The following NUBPL variants were observed in gnomAD, a reference collection of about 807,000 sequenced individuals.
The protein encoded by NUBPL is NUBP iron-sulfur cluster assembly factor, mitochondrial.
In NUBPL, 31 loss-of-function variants were observed where a neutral mutation model predicts 45.7. That is an observed-to-expected ratio of 0.68 (90% confidence interval 0.51 to 0.92). NUBPL has a LOEUF of 0.92. NUBPL is among the 40% of genes least tolerant of loss of function. The pLI is 0.00. For missense variants in NUBPL, 401 were observed against 398.7 expected (o/e 1.01, Z -0.05); for synonymous variants, 144 against 140.9 (o/e 1.02, Z -0.15).
intron 4 of NUBPL, among the ~76,000 whole-genome samples, chr14:31,671,271 C>T (rs778219040): frequency 1.4e-4 from 22 of 152,134 alleles, no homozygotes; most frequent in Admixed American, 7.9e-4. Context: ...TTTATACGTT[C>T]ATCTAATGTT....
At chr14:31,583,189 C>A (rs558012543) in intron 3 of NUBPL, among the ~76,000 whole-genome samples, 3 of 152,094 alleles carry the variant, frequency 2.0e-5, no homozygotes, top group Non-Finnish European at 4.4e-5. Flanking sequence ...ATAACATAGG[C>A]AGTAGTAAAT....
At chr14:31,741,015 T>C (rs2038271840) in intron 6 of NUBPL, among the ~76,000 whole-genome samples, 1 of 152,252 alleles carries the variant, frequency 6.6e-6, no homozygotes, top group Non-Finnish European at 1.5e-5. Context: ...TTTTGCACAC[T>C]GTTTACTTTG....
Position 31,859,350 on chromosome 14 carries a change from T to C in NUBPL, c.*170T>C. On this transcript the variant is annotated 3_prime_UTR_variant, in exon 11 of 11. Coordinates refer to ENST00000281081, the MANE Select transcript of NUBPL (RefSeq NM_025152.3). Reference sequence around the variant, plus strand: ...TAAGCTAAGGTTCACAAAACTTTGATGTATCAATGTTAACTGCTATATTTA... The same window carrying C: ...TAAGCTAAGGTTCACAAAACTTTGACGTATCAATGTTAACTGCTATATTTA... 1.5e-6 allele frequency: 1 copy of C among 669,206 alleles called. No homozygotes were observed. Among genetic ancestry groups the C allele is most frequent in the Non-Finnish European group, 2.7e-6 (1 of 372,748 alleles). The allele number at this position is 669,206 out of a possible 1,614,324, so 41.5% of individuals were successfully genotyped here. A position where few individuals can be genotyped will look rare whatever the true frequency, so the allele number is the denominator to read the frequency against.
intron 6 of NUBPL, among the ~76,000 whole-genome samples, 194 bp downstream of exon 6, chr14:31,673,768 A>G (rs1184920953): frequency 2.0e-5 from 3 of 152,108 alleles, no homozygotes; most frequent in East Asian, 1.9e-4. Context: ...AATCTTTCCC[A>G]TTGCTTGTGA....
In NUBPL at chr14:31,692,113, T is replaced by C. The variant is rs140490268; in HGVS notation, c.513+18539T>C. ...TAGGATGTTATTTTGAGTATTAGATTTATCAGTATGTGTTGCTTTTTATTC... is the reference window on the plus strand; with the variant it reads ...TAGGATGTTATTTTGAGTATTAGATCTATCAGTATGTGTTGCTTTTTATTC... On this transcript the variant is annotated intron_variant, in intron 6 of 10. Coordinates refer to ENST00000281081, the MANE Select transcript of NUBPL (RefSeq NM_025152.3). 2.5e-3 allele frequency among the ~76,000 whole-genome samples: 378 copies of C among 152,322 alleles called. 3 individuals are homozygous for C. The highest frequency in any genetic ancestry group is 8.5e-3 in the African/African-American group (355 of 41,572).
chr14:31,592,559 G>C (rs1566433198), intron 3 of NUBPL, among the ~76,000 whole-genome samples: 1 of 151,876 alleles, frequency 6.6e-6, no homozygotes, highest in Non-Finnish European at 1.5e-5. Context: ...CATATGTCCC[G>C]TGCAATATTT....
At chr14:31,763,791 G>A (rs1250521641) in intron 6 of NUBPL, among the ~76,000 whole-genome samples, 1 of 152,082 alleles carries the variant, frequency 6.6e-6, no homozygotes, top group Admixed American at 6.6e-5. Flanking sequence ...TTGCAAAAGT[G>A]TGCATTCGTC....
At chr14:31,637,026 C>G (rs955905109) in intron 4 of NUBPL, among the ~76,000 whole-genome samples, 2 of 151,934 alleles carry the variant, frequency 1.3e-5, no homozygotes, top group African/African-American at 4.8e-5. Flanking sequence ...TTTTGTTGAT[C>G]CTTTCAGAAA....
At chr14:31,671,430 T>C (rs1456927445) in intron 4 of NUBPL, among the ~76,000 whole-genome samples, 1 of 152,188 alleles carries the variant, frequency 6.6e-6, no homozygotes, top group African/African-American at 2.4e-5. Context: ...TGCATTATAA[T>C]TAAATTGGGT....
chr14:31,574,582 C>CT (rs71115022), intron 3 of NUBPL, among the ~76,000 whole-genome samples: 1,458 of 66,882 alleles, frequency 0.022, 5 homozygotes, highest in African/African-American at 0.026. Context: ...TTCTTTCCTT[C>CT]TTTTTTTTTT....
intron 6 of NUBPL, chr14:31,771,829 G>C (rs74944870): frequency 1.0e-6 from 1 of 983,884 alleles, no homozygotes; most frequent in Non-Finnish European, 1.2e-6. Context: ...ATTTCCACCC[G>C]AGGGACCCTA....
chr14:31,705,613 T>G (rs1023008886), intron 6 of NUBPL, among the ~76,000 whole-genome samples: 1 of 152,184 alleles, frequency 6.6e-6, no homozygotes, highest in Admixed American at 6.5e-5. Context: ...CACAGAGTGC[T>G]GATTGGTGCG....
intron 6 of NUBPL, among the ~76,000 whole-genome samples, chr14:31,775,285 G>A (rs2039079206): frequency 6.6e-6 from 1 of 152,134 alleles, no homozygotes; most frequent in Non-Finnish European, 1.5e-5. Context: ...AGGCATAGTG[G>A]CACATGTCTG....
chr14:31,789,348 T>C (rs1282895896), intron 7 of NUBPL, among the ~76,000 whole-genome samples: 1 of 151,602 alleles, frequency 6.6e-6, no homozygotes, highest in Non-Finnish European at 1.5e-5. Context: ...AATAAATAAA[T>C]AAAAATAAAT....
intron 4 of NUBPL, among the ~76,000 whole-genome samples, chr14:31,618,253 G>A (rs921286818): frequency 1.3e-5 from 2 of 152,034 alleles, no homozygotes; most frequent in Non-Finnish European, 2.9e-5. Context: ...TTTTTGAAGG[G>A]TGTTTTGTGT....
intron 4 of NUBPL, among the ~76,000 whole-genome samples, chr14:31,659,016 A>AGTTATGGAGAGCT (rs1283386156): frequency 3.3e-5 from 5 of 152,194 alleles, no homozygotes; most frequent in Admixed American, 3.3e-4. Flanking sequence ...AAGAGGGAAT[A>AGTTATGGAGAGCT]GTTATGGAGA....
At chr14:31,759,426 A>G (rs1407796499) in intron 6 of NUBPL, among the ~76,000 whole-genome samples, 1 of 151,978 alleles carries the variant, frequency 6.6e-6, no homozygotes, top group Non-Finnish European at 1.5e-5. Flanking sequence ...ATTAATTTTG[A>G]AATTATTTTT....
intron 7 of NUBPL, among the ~76,000 whole-genome samples, chr14:31,815,348 G>A (rs539199186): frequency 2.0e-5 from 3 of 152,150 alleles, no homozygotes; most frequent in African/African-American, 7.2e-5. Context: ...TCTGTTATTG[G>A]TATATAGGCA....
At chr14:31,647,509 G>A (rs2035887885) in intron 4 of NUBPL, among the ~76,000 whole-genome samples, 1 of 152,200 alleles carries the variant, frequency 6.6e-6, no homozygotes, top group African/African-American at 2.4e-5. Flanking sequence ...GTCTCAAATG[G>A]AATATTCTGG....
Sources: allele counts gnomAD v4.1 joint callset (sites outside exome capture counted in the v4.1 genomes callset), GRCh38; gene constraint gnomAD v4.1.1; transcripts MANE v1.5; gene names NCBI Gene and HGNC (gene_info 2026-07-23, HGNC 2026-07-21).